Variants in ITPR1 observed in about 807,000 individuals in gnomAD.
ITPR1 encodes the protein inositol 1,4,5-trisphosphate-gated calcium channel ITPR1.
In ITPR1, 96 loss-of-function variants were observed where a neutral mutation model predicts 318.4. That is an observed-to-expected ratio of 0.30 (90% CI 0.26 to 0.36). The LOEUF (loss-of-function observed/expected upper bound fraction) is 0.36. Ranked by LOEUF, ITPR1 falls within the 10% of genes least tolerant of loss-of-function variation. The probability of loss-of-function intolerance (pLI) is 1.00; values close to 1 mark genes in which losing one functional copy is unlikely to be tolerated. For synonymous variants in ITPR1, 1,312 were observed against 1,289.9 expected (o/e 1.02, Z -0.37); for missense variants, 2,440 against 3,460.2 (o/e 0.71, Z 7.40).
intron 4 of ITPR1, among the ~76,000 whole-genome samples, chr3:4,627,281 G>A (rs1301683330): frequency 5.9e-5 from 9 of 152,002 alleles, no homozygotes; most frequent in Admixed American, 1.3e-4. Context: ...CATTAACAAC[G>A]TGGCAAAACC....
rs35795762 is a variant in ITPR1 at position 4,697,315 on chromosome 3, GGTGTGTGTGTGTGTGTGTGT to G, written c.4407+62_4407+81del. 6.3e-4 allele frequency: 542 copies of G among 864,092 alleles called. 1 individual carries two copies. Among genetic ancestry groups the G allele is most frequent in the Non-Finnish European group, 8.6e-4 (511 of 592,130 alleles). The allele number at this position is 864,092 out of a possible 1,614,324, so 53.5% of individuals were successfully genotyped here. Reference sequence around the variant, plus strand: ...GAGGAGGCAGAGTTGGAGAGTGAGAGGTGTGTGTGTGTGTGTGTGTGTGTGTGTGTGTGTGTGTAGCATCT... The same window carrying G: ...GAGGAGGCAGAGTTGGAGAGTGAGAGGTGTGTGTGTGTGTGTGTAGCATCT... On this transcript the variant is annotated intron_variant, in intron 34 of 61. Coordinates refer to ENST00000649015, the MANE Select transcript of ITPR1 (RefSeq NM_001378452.1).
intron 4 of ITPR1, among the ~76,000 whole-genome samples, chr3:4,531,791 C>G (rs1161297016): frequency 6.6e-6 from 1 of 152,218 alleles, no homozygotes; most frequent in Non-Finnish European, 1.5e-5. Context: ...ACCTTCAAAT[C>G]TCAGGCATCT....
At chr3:4,733,739 G>T (rs564781611) in intron 43 of ITPR1, among the ~76,000 whole-genome samples, 49 of 152,284 alleles carry the variant, frequency 3.2e-4, no homozygotes, top group Non-Finnish European at 5.3e-4. Context: ...TGGCTGGTCT[G>T]TAATTTCAGC....
intron 44 of ITPR1, among the ~76,000 whole-genome samples, chr3:4,760,324 G>A (rs2125362067): frequency 6.6e-6 from 1 of 152,368 alleles, no homozygotes; most frequent in South Asian, 2.1e-4. Flanking sequence ...GGGGGCAGAT[G>A]CCGTTCCCTC....
At chr3:4,536,956 G>T in intron 4 of ITPR1, among the ~76,000 whole-genome samples, 1 of 114,720 alleles carries the variant, frequency 8.7e-6, no homozygotes, top group East Asian at 2.1e-4. Context: ...GGGATTTTTT[G>T]GGGTCAATCC....
intron 12 of ITPR1, 64 bp from the exon 13 acceptor site, chr3:4,658,060 A>G: frequency 1.4e-6 from 2 of 1,447,774 alleles, no homozygotes; most frequent in Admixed American, 2.0e-5. Flanking sequence ...GGATTGTGGA[A>G]TAATTGTAGA....
chr3:4,514,254 CACTAAGAGA>C (rs1397819876), intron 2 of ITPR1, among the ~76,000 whole-genome samples: 1 of 152,136 alleles, frequency 6.6e-6, no homozygotes, highest in Non-Finnish European at 1.5e-5. Flanking sequence ...CATGAGGATT[CACTAAGAGA>C]ACATTTGTAA....
chr3:4,809,886 C>G (rs149189770), intron 55 of ITPR1, among the ~76,000 whole-genome samples: 1 of 152,210 alleles, frequency 6.6e-6, no homozygotes, highest in East Asian at 1.9e-4. Context: ...AACAGCAACA[C>G]TTTGCCTTCT....
intron 60 of ITPR1, among the ~76,000 whole-genome samples, chr3:4,835,591 T>C (rs116502474): frequency 0.05 from 7,580 of 152,154 alleles, 260 homozygotes; most frequent in Middle Eastern, 0.092. Context: ...GGAGGGGGCT[T>C]GATTTGTTTT....
At chr3:4,668,499 G>A (rs563887446) in intron 18 of ITPR1, among the ~76,000 whole-genome samples, 8 of 150,524 alleles carry the variant, frequency 5.3e-5, no homozygotes, top group African/African-American at 1.5e-4. Context: ...ATGGAGTCTC[G>A]CTCTGTCACC....
chr3:4,805,945 G>T (rs1018242658), intron 54 of ITPR1, among the ~76,000 whole-genome samples, 158 bp from the exon 55 acceptor site: 2 of 152,220 alleles, frequency 1.3e-5, no homozygotes, highest in South Asian at 4.1e-4. Context: ...ACTTAGATCT[G>T]CAAATGGGTC....
chr3:4,702,565 G>A (rs2094678215), intron 35 of ITPR1, among the ~76,000 whole-genome samples: 2 of 152,186 alleles, frequency 1.3e-5, no homozygotes. Context: ...TCCTTCTTGT[G>A]CTCAAACTTA....
At chr3:4,695,374 A>G (rs563017126) in intron 33 of ITPR1, among the ~76,000 whole-genome samples, 2 of 152,318 alleles carry the variant, frequency 1.3e-5, no homozygotes, top group South Asian at 4.1e-4. Flanking sequence ...GTGTTATAAC[A>G]AGCATTAGTT....
intron 4 of ITPR1, among the ~76,000 whole-genome samples, chr3:4,585,051 A>C (rs1055152980): frequency 2.0e-5 from 3 of 152,066 alleles, no homozygotes; most frequent in African/African-American, 7.3e-5. Flanking sequence ...GGTGAGACCC[A>C]CCCTCCGAGG....
intron 4 of ITPR1, among the ~76,000 whole-genome samples, chr3:4,564,524 T>C (rs368662157): frequency 6.6e-6 from 1 of 152,200 alleles, no homozygotes; most frequent in East Asian, 1.9e-4. Context: ...CTGCATGTTT[T>C]TGTCCTCCTG....
intron 2 of ITPR1, among the ~76,000 whole-genome samples, chr3:4,496,415 C>T (rs1464646557): frequency 6.6e-6 from 1 of 152,104 alleles, no homozygotes; most frequent in Non-Finnish European, 1.5e-5. Flanking sequence ...AGATATCATT[C>T]TTATCAGGCA....
chr3:4,711,383 T>G (rs981568925), intron 38 of ITPR1, among the ~76,000 whole-genome samples: 3 of 152,096 alleles, frequency 2.0e-5, no homozygotes, highest in Admixed American at 1.3e-4. Context: ...CATGAGTTGT[T>G]TTTGTTTTAC....
chr3:4,775,200 C>T (rs927830829), intron 46 of ITPR1, 42 bp from the exon 47 acceptor site: 2 of 1,399,128 alleles, frequency 1.4e-6, no homozygotes, highest in East Asian at 2.3e-5. Context: ...TCCCTCTTCC[C>T]TCTGCCTTTG....
At chr3:4,712,866 A>G (rs1198194130) in intron 39 of ITPR1, among the ~76,000 whole-genome samples, 1 of 152,264 alleles carries the variant, frequency 6.6e-6, no homozygotes, top group African/African-American at 2.4e-5. Flanking sequence ...GTAAGCAACA[A>G]GAGTTCCATG....
Sources: allele counts gnomAD v4.1 joint callset (sites outside exome capture counted in the v4.1 genomes callset), GRCh38; gene constraint gnomAD v4.1.1; transcripts MANE v1.5; gene names NCBI Gene and HGNC (gene_info 2026-07-23, HGNC 2026-07-21).